The following MMP26 variants were observed in gnomAD, a reference collection of about 807,000 sequenced individuals.
The protein encoded by MMP26 is matrix metalloproteinase-26.
In MMP26, 33 loss-of-function variants were observed where a neutral mutation model predicts 31.0. That is an observed-to-expected ratio of 1.06 (90% CI 0.81 to 1.42). The LOEUF is 1.42. Ranked by LOEUF, MMP26 falls within the 40% of genes most tolerant of loss-of-function variation. MMP26 has a pLI of 0.00. For synonymous variants in MMP26, 122 were observed against 114.9 expected, an observed-to-expected ratio of 1.06 and a Z score of -0.40; for missense variants, 347 against 316.1, an observed-to-expected ratio of 1.10 and a Z score of -0.74.
intron 1 of MMP26, among the ~76,000 whole-genome samples, chr11:4,717,885 G>T (rs1847956125): frequency 6.6e-6 from 1 of 152,084 alleles, no homozygotes; most frequent in Non-Finnish European, 1.5e-5. Flanking sequence ...CGTTGACTTG[G>T]GATGCAGGAT....
At chr11:4,719,262 C>T (rs1324507647) in intron 1 of MMP26, 1 of 153,946 alleles carries the variant, frequency 6.5e-6, no homozygotes, top group Non-Finnish European at 1.5e-5. Context: ...TCTTTATTGT[C>T]CTGTCTTATA....
At chr11:4,723,042 G>T in intron 1 of MMP26, 2 of 1,102,336 alleles carry the variant, frequency 1.8e-6, no homozygotes, top group Non-Finnish European at 2.8e-6. Flanking sequence ...TCCAGGGCCA[G>T]TTTGACTTTC....
intron 2 of MMP26, chr11:4,915,125 G>A: frequency 6.2e-7 from 1 of 1,614,136 alleles, no homozygotes; most frequent in Non-Finnish European, 8.5e-7. Flanking sequence ...ATAAGAATGT[G>A]AGAGAACTGG....
chr11:4,892,774 T>C (rs944916315), intron 2 of MMP26, among the ~76,000 whole-genome samples: 4 of 152,174 alleles, frequency 2.6e-5, no homozygotes, highest in African/African-American at 9.6e-5. Context: ...ATGATCTTTG[T>C]CACTTCCCTA....
intron 2 of MMP26, among the ~76,000 whole-genome samples, chr11:4,967,651 T>C (rs759924701): frequency 6.6e-6 from 1 of 152,164 alleles, no homozygotes; most frequent in Non-Finnish European, 1.5e-5. Flanking sequence ...AAAGTCAACC[T>C]TGCTTCCTTA....
chr11:4,932,467 T>C (rs1414244142), intron 2 of MMP26, among the ~76,000 whole-genome samples: 2 of 152,238 alleles, frequency 1.3e-5, no homozygotes, highest in South Asian at 2.1e-4. Flanking sequence ...GGAAACCAGC[T>C]AACATGCTGA....
Position 4,764,680 on chromosome 11 carries a change from C to T in MMP26, c.-216-2590C>T, listed in dbSNP as rs1048097183. Among the ~76,000 whole-genome samples the T allele has an allele frequency of 1.6e-4, 25 of 152,264 alleles. 1 individual carries two copies. Among genetic ancestry groups the T allele is most frequent in the African/African-American group, 6.0e-4 (25 of 41,568 alleles). On this transcript the variant is annotated intron_variant, in intron 1 of 7. Transcript: ENST00000380390. ...GGTCAGGAGATCCAGACCATCTTGGCTACTAACACGGTGAAACCCCGTCTC... is the reference window on the plus strand; with the variant it reads ...GGTCAGGAGATCCAGACCATCTTGGTTACTAACACGGTGAAACCCCGTCTC...
At chr11:4,915,177 GA>G (rs35090253) in intron 2 of MMP26, 1 of 1,613,990 alleles carries the variant, frequency 6.2e-7, no homozygotes, top group Non-Finnish European at 8.5e-7. Flanking sequence ...AAAGGTAATG[GA>G]AAAATGAGTG....
chr11:4,737,503 C>T (rs1280661136), intron 1 of MMP26, among the ~76,000 whole-genome samples: 5 of 152,194 alleles, frequency 3.3e-5, no homozygotes, highest in Middle Eastern at 6.8e-3. Flanking sequence ...ATTAGCCTGG[C>T]GTGGTGGTGC....
chr11:4,943,902 G>T (rs1846254469), intron 2 of MMP26: 1 of 442,614 alleles, frequency 2.3e-6, no homozygotes, highest in Admixed American at 2.5e-5. Context: ...ACTCTTTTAT[G>T]TGACATCTAT....
intron 2 of MMP26, among the ~76,000 whole-genome samples, chr11:4,982,651 AAGT>A (rs1275704540): frequency 6.6e-6 from 1 of 152,218 alleles, no homozygotes; most frequent in Non-Finnish European, 1.5e-5. Context: ...CTATTTTGAT[AAGT>A]AGTATACTTA....
At chr11:4,786,984 C>A (rs34775015) in intron 2 of MMP26, 14,428 of 153,002 alleles carry the variant, frequency 0.094, 858 homozygotes, top group Middle Eastern at 0.15. Context: ...GGCTGACCCT[C>A]TCCACAATGC....
chr11:4,755,533 A>G (rs1007582511), intron 1 of MMP26, among the ~76,000 whole-genome samples: 1 of 152,078 alleles, frequency 6.6e-6, no homozygotes, highest in African/African-American at 2.4e-5. Context: ...AAAGTAGCCA[A>G]AAATAATGGT....
At chr11:4,868,969 A>T (rs1850275398) in intron 2 of MMP26, among the ~76,000 whole-genome samples, 1 of 152,238 alleles carries the variant, frequency 6.6e-6, no homozygotes, top group African/African-American at 2.4e-5. Context: ...AAGTGGGGAA[A>T]GGATTCCCTA....
At position 4,768,986 on chromosome 11, in the gene MMP26, G is replaced by A. The variant is rs766070259; in HGVS notation, c.-145+1645G>A. ...AAATAAAACTATGTCTGTTCATTTTGTAAGCAGCAGACTGAGCATAGCCTT... is the reference window on the plus strand; with the variant it reads ...AAATAAAACTATGTCTGTTCATTTTATAAGCAGCAGACTGAGCATAGCCTT... On this transcript the variant is annotated intron_variant, in intron 2 of 7. Coordinates refer to ENST00000380390, the MANE Select transcript of MMP26 (RefSeq NM_021801.5). 8 of 1,497,226 alleles carry A rather than the reference G, an allele frequency of 5.3e-6. No individual in the cohort carries two copies. In the South Asian group the frequency reaches 5.7e-5, roughly 11 times the overall value. 92.7% of individuals were successfully genotyped at this position (1,497,226 alleles called of 1,614,324 possible). A position where few individuals can be genotyped will look rare whatever the true frequency, so the allele number is the denominator to read the frequency against.
intron 2 of MMP26, chr11:4,877,069 G>T (rs1373787615): frequency 1.3e-5 from 2 of 152,438 alleles, no homozygotes; most frequent in African/African-American, 4.8e-5. Flanking sequence ...TTACCTTTCT[G>T]TCACTCCAAT....
rs576022803 is a variant in MMP26 at position 4,761,253 on chromosome 11, T to C, written c.-216-6017T>C. 3.9e-5 allele frequency among the ~76,000 whole-genome samples: 6 copies of C among 152,348 alleles called. No homozygotes were observed. The South Asian group carries it at 6.2e-4, about 16-fold the overall frequency. ...GTGTTTATCTATGCTAAATCACTCA[T>C]GATGTAGTTTAAAAGTCATCAAGGG... On this transcript the variant is annotated intron_variant, in intron 1 of 7. Coordinates refer to ENST00000380390, the MANE Select transcript of MMP26 (RefSeq NM_021801.5).
At chr11:4,730,255 TG>T (rs1446739020) in intron 1 of MMP26, among the ~76,000 whole-genome samples, 1 of 152,194 alleles carries the variant, frequency 6.6e-6, no homozygotes, top group Non-Finnish European at 1.5e-5. Context: ...ACTTCCCCTG[TG>T]GGATAGGTGC....
intron 1 of MMP26, among the ~76,000 whole-genome samples, chr11:4,724,601 T>C (rs1217202586): frequency 6.6e-6 from 1 of 152,174 alleles, no homozygotes; most frequent in Non-Finnish European, 1.5e-5. Context: ...CCCCAATATT[T>C]TGGAGAATAT....
Sources: allele counts gnomAD v4.1 joint callset (sites outside exome capture counted in the v4.1 genomes callset), GRCh38; gene constraint gnomAD v4.1.1; transcripts MANE v1.5; gene names NCBI Gene and HGNC (gene_info 2026-07-23, HGNC 2026-07-21).